The following SCIN variants were observed in gnomAD, a reference collection of about 807,000 sequenced individuals.
The protein encoded by SCIN is scinderin, also known as adseverin.
SCIN carries 91 observed loss-of-function variants against 91.8 expected under a neutral mutation model. The observed-to-expected ratio is 0.99, with a 90% confidence interval of 0.84 to 1.18. The LOEUF (loss-of-function observed/expected upper bound fraction) is 1.18. Among genes scored for constraint, SCIN ranks in the 50% most tolerant of loss-of-function variants. The probability of loss-of-function intolerance (pLI) is 0.00; values close to 1 mark genes in which losing one functional copy is unlikely to be tolerated. For missense variants in SCIN, 1,087 were observed against 863.9 expected, an observed-to-expected ratio of 1.26 and a Z score of -3.24; for synonymous variants, 367 against 312.6, an observed-to-expected ratio of 1.17 and a Z score of -1.84.
chr7:12,592,844 C>A (rs984534331), intron 3 of SCIN, among the ~76,000 whole-genome samples: 1 of 151,978 alleles, frequency 6.6e-6, no homozygotes, highest in Non-Finnish European at 1.5e-5. Flanking sequence ...AGTAGGTGGC[C>A]CCACTATCAA....
intron 2 of SCIN, among the ~76,000 whole-genome samples, chr7:12,578,998 C>T (rs1782435365): frequency 6.7e-6 from 1 of 148,370 alleles, no homozygotes; most frequent in Non-Finnish European, 1.5e-5. Context: ...CACACGTGTT[C>T]AGTTAAAGTG....
chr7:12,606,125 G>A (rs895526624), intron 4 of SCIN, among the ~76,000 whole-genome samples: 6 of 152,210 alleles, frequency 3.9e-5, no homozygotes, highest in Non-Finnish European at 7.4e-5. Context: ...GTACTCCTGC[G>A]ATGCGCCAGG....
chr7:12,590,845 T>C (rs1782706441), intron 3 of SCIN, among the ~76,000 whole-genome samples: 1 of 152,158 alleles, frequency 6.6e-6, no homozygotes, highest in Non-Finnish European at 1.5e-5. Context: ...AGGAGTCCTC[T>C]CTTTTGCCAG....
chr7:12,618,952 G>C (rs900155746), intron 4 of SCIN, among the ~76,000 whole-genome samples: 3 of 152,122 alleles, frequency 2.0e-5, no homozygotes, highest in African/African-American at 7.2e-5. Flanking sequence ...GTAGAGGTTA[G>C]AAGGCCTGGG....
chr7:12,615,507 C>A (rs1389748121), intron 4 of SCIN, among the ~76,000 whole-genome samples: 7 of 152,114 alleles, frequency 4.6e-5, no homozygotes, highest in African/African-American at 1.7e-4. Context: ...CTTGAGGCAT[C>A]CCCAGCCATG....
intron 3 of SCIN, among the ~76,000 whole-genome samples, chr7:12,594,954 G>A (rs751588055): frequency 5.3e-5 from 8 of 152,110 alleles, no homozygotes; most frequent in South Asian, 2.1e-4. Context: ...GGATGAGGTG[G>A]CCAACAATGG....
intron 14 of SCIN, among the ~76,000 whole-genome samples, chr7:12,650,426 C>T (rs1784057103): frequency 1.3e-5 from 2 of 152,156 alleles, no homozygotes; most frequent in African/African-American, 4.8e-5. Flanking sequence ...TTCTCATTTG[C>T]AGTCAACTCC....
chr7:12,583,010 A>G (rs1251186365), intron 3 of SCIN, among the ~76,000 whole-genome samples: 2 of 152,152 alleles, frequency 1.3e-5, no homozygotes, highest in Non-Finnish European at 2.9e-5. Flanking sequence ...CATCTGTAAA[A>G]GCAAATATTT....
intron 9 of SCIN, among the ~76,000 whole-genome samples, chr7:12,634,486 CAAA>C (rs11340159): frequency 1.0e-4 from 14 of 140,120 alleles, no homozygotes; most frequent in South Asian, 2.3e-4. Flanking sequence ...ACTCCATCTC[CAAA>C]AAAAAAAAAA....
intron 5 of SCIN, 51 bp downstream of exon 5, chr7:12,622,944 AG>A: frequency 7.3e-7 from 1 of 1,372,866 alleles, no homozygotes; most frequent in Non-Finnish European, 1.0e-6. Flanking sequence ...GGATGTAGCT[AG>A]GGAGGCCTGT....
At chr7:12,576,196 C>G (rs777860252) in intron 1 of SCIN, among the ~76,000 whole-genome samples, 3 of 152,146 alleles carry the variant, frequency 2.0e-5, no homozygotes, top group Non-Finnish European at 4.4e-5. Context: ...ACATCTACAT[C>G]TTTATGGTAT....
At chr7:12,579,667 A>G (rs1464223043) in intron 2 of SCIN, among the ~76,000 whole-genome samples, 1 of 152,196 alleles carries the variant, frequency 6.6e-6, no homozygotes, top group Non-Finnish European at 1.5e-5. Context: ...TGTAATCCCA[A>G]CACTTTGAGA....
At chr7:12,581,251 A>T (rs1486287931) in intron 3 of SCIN, 30 bp downstream of exon 3, 1 of 1,541,374 alleles carries the variant, frequency 6.5e-7, no homozygotes, top group Non-Finnish European at 8.8e-7. Context: ...ATCGATGTCT[A>T]AAGAAAAGTG....
intron 11 of SCIN, among the ~76,000 whole-genome samples, chr7:12,643,260 G>A (rs756148502): frequency 7.2e-5 from 11 of 152,016 alleles, no homozygotes; most frequent in Non-Finnish European, 1.5e-4. Context: ...TTCATCTCCC[G>A]GCAGGCTAAG....
intron 5 of SCIN, among the ~76,000 whole-genome samples, chr7:12,624,721 G>A (rs1454811717): frequency 2.6e-5 from 4 of 152,136 alleles, no homozygotes; most frequent in Non-Finnish European, 5.9e-5. Context: ...CTTTTCTGAT[G>A]TTTTAGGCAC....
intron 1 of SCIN, among the ~76,000 whole-genome samples, chr7:12,573,733 T>C (rs746772824): frequency 2.6e-5 from 4 of 152,130 alleles, no homozygotes; most frequent in Non-Finnish European, 4.4e-5. Context: ...TAACCTAAGG[T>C]ACAAACACTT....
chr7:12,622,637 T>A (rs1330516138), intron 4 of SCIN, among the ~76,000 whole-genome samples, 164 bp from the exon 5 acceptor site: 1 of 152,162 alleles, frequency 6.6e-6, no homozygotes, highest in Non-Finnish European at 1.5e-5. Flanking sequence ...TGATTTGGCC[T>A]ATATGAAAAG....
chr7:12,571,602 G>A (rs1237464835), intron 1 of SCIN: 1 of 468,200 alleles, frequency 2.1e-6, no homozygotes, highest in Non-Finnish European at 4.4e-6. Context: ...CGCTTCATTC[G>A]GAAGCTGGCG....
At chr7:12,572,411 C>T (rs1782289343) in intron 1 of SCIN, among the ~76,000 whole-genome samples, 1 of 152,150 alleles carries the variant, frequency 6.6e-6, no homozygotes, top group South Asian at 2.1e-4. Context: ...TGAATGATGC[C>T]AGATAGAATA....
Sources: allele counts gnomAD v4.1 joint callset (sites outside exome capture counted in the v4.1 genomes callset), GRCh38; gene constraint gnomAD v4.1.1; transcripts MANE v1.5; gene names NCBI Gene and HGNC (gene_info 2026-07-23, HGNC 2026-07-21).